Variants in TRAPPC9 observed in about 807,000 individuals in gnomAD.
TRAPPC9 encodes the protein IKK2 binding protein.
In TRAPPC9, 83 loss-of-function variants were observed where a neutral mutation model predicts 124.0. The ratio of observed to expected loss-of-function variants is 0.67; its 90% CI spans 0.56 to 0.80. TRAPPC9 has a LOEUF of 0.80. Ranked by LOEUF, TRAPPC9 falls within the 30% of genes least tolerant of loss-of-function variation. TRAPPC9 has a pLI of 0.00. For synonymous variants in TRAPPC9, 638 were observed against 617.5 expected (o/e 1.03, Z -0.49); for missense variants, 1,302 against 1,508.3 (o/e 0.86, Z 2.27).
intron 5 of TRAPPC9, among the ~76,000 whole-genome samples, chr8:140,421,388 G>C (rs898935518): frequency 6.6e-6 from 1 of 152,102 alleles, no homozygotes; most frequent in Admixed American, 6.6e-5. Context: ...GTCAAATCTA[G>C]TTAACGAATT....
intron 1 of TRAPPC9, among the ~76,000 whole-genome samples, chr8:140,457,305 G>A (rs941642063): frequency 6.6e-6 from 1 of 152,210 alleles, no homozygotes; most frequent in Non-Finnish European, 1.5e-5. Flanking sequence ...AGAGGGGAAG[G>A]GGACCCCCGC....
intron 21 of TRAPPC9, among the ~76,000 whole-genome samples, chr8:139,736,012 T>C (rs1409865575): frequency 1.3e-5 from 2 of 152,228 alleles, no homozygotes; most frequent in Admixed American, 1.3e-4. Flanking sequence ...TGCCTCTGAC[T>C]TCCCTTCACC....
intron 19 of TRAPPC9, among the ~76,000 whole-genome samples, chr8:139,918,827 C>A (rs560510294): frequency 6.6e-6 from 1 of 152,212 alleles, no homozygotes; most frequent in Non-Finnish European, 1.5e-5. Flanking sequence ...CCTCTCCAAA[C>A]GGCAGAAGGC....
intron 21 of TRAPPC9, among the ~76,000 whole-genome samples, chr8:139,794,084 C>G (rs1822885832): frequency 6.6e-6 from 1 of 151,712 alleles, no homozygotes; most frequent in African/African-American, 2.4e-5. Flanking sequence ...CTACTCCTGT[C>G]CCCCACCCTG....
chr8:139,894,027 C>T (rs944761359), intron 20 of TRAPPC9, among the ~76,000 whole-genome samples: 2 of 152,246 alleles, frequency 1.3e-5, no homozygotes, highest in African/African-American at 4.8e-5. Context: ...CACCAGCATC[C>T]CTGCCCACAG....
At chr8:139,927,307 C>A (rs1832875117) in intron 19 of TRAPPC9, among the ~76,000 whole-genome samples, 1 of 151,990 alleles carries the variant, frequency 6.6e-6, no homozygotes, top group Admixed American at 6.6e-5. Context: ...TGTGGTGGCA[C>A]AGCCATAGCT....
intron 17 of TRAPPC9, among the ~76,000 whole-genome samples, chr8:140,035,668 T>C (rs2131995722): frequency 6.6e-6 from 1 of 152,272 alleles, no homozygotes; most frequent in Middle Eastern, 3.4e-3. Context: ...CCGTAGCTAG[T>C]AAACCACAGA....
At position 140,450,979 on chromosome 8, in the gene TRAPPC9, A is replaced by T. The variant is rs200692599; in HGVS notation, c.395T>A (p.Val132Glu). ...GEIVEQPRTD[V>E]AFYPNYEDCQ... ...GTCCTCGTAGTTGGGGTAGAAAGCCACGTCGGTGCGCGGCTGCTCCACGAT... is the reference window on the plus strand; with the variant it reads ...GTCCTCGTAGTTGGGGTAGAAAGCCTCGTCGGTGCGCGGCTGCTCCACGAT... Residue 132 changes from valine to glutamate, a missense_variant, in exon 2 of 23, where the codon GTG (valine) becomes GAG (glutamate). Physicochemically the swap from Val to Glu is moderately radical, Grantham distance 121 (BLOSUM62 -2). Coordinates refer to ENST00000438773, the MANE Select transcript of TRAPPC9 (RefSeq NM_001160372.4). The T allele has an allele frequency of 6.8e-6, 11 of 1,614,170 alleles. No homozygotes were observed. The East Asian group carries it at 2.5e-4, about 36-fold the overall frequency.
intron 17 of TRAPPC9, among the ~76,000 whole-genome samples, chr8:140,136,655 C>T (rs771767155): frequency 3.9e-5 from 6 of 152,088 alleles, no homozygotes; most frequent in African/African-American, 7.2e-5. Flanking sequence ...CTGGCCAATA[C>T]GGTGAAACCT....
chr8:139,874,464 G>C (rs561531164), intron 21 of TRAPPC9, among the ~76,000 whole-genome samples: 14 of 152,348 alleles, frequency 9.2e-5, no homozygotes, highest in Admixed American at 7.2e-4. Context: ...CTGGGGGTGG[G>C]GAAACGCGCA....
chr8:139,873,239 G>A (rs376330254), intron 21 of TRAPPC9, among the ~76,000 whole-genome samples: 8 of 152,078 alleles, frequency 5.3e-5, no homozygotes, highest in African/African-American at 1.9e-4. Context: ...GGGAACGCTG[G>A]GTCAGTCCAT....
At chr8:139,957,996 G>A (rs542118121) in intron 19 of TRAPPC9, among the ~76,000 whole-genome samples, 110 of 152,346 alleles carry the variant, frequency 7.2e-4, no homozygotes, top group African/African-American at 2.5e-3. Context: ...AAGACCCTGA[G>A]TGTGACATGG....
At chr8:140,121,083 T>C (rs1297915172) in intron 17 of TRAPPC9, among the ~76,000 whole-genome samples, 2 of 152,374 alleles carry the variant, frequency 1.3e-5, no homozygotes, top group East Asian at 1.9e-4. Context: ...AGGCAAGATG[T>C]TGGGTTCTCT....
At chr8:140,126,829 G>A (rs1259438030) in intron 17 of TRAPPC9, among the ~76,000 whole-genome samples, 3 of 152,164 alleles carry the variant, frequency 2.0e-5, no homozygotes, top group East Asian at 1.9e-4. Flanking sequence ...GGCAGGGAGT[G>A]GACTCACGGG....
intron 21 of TRAPPC9, among the ~76,000 whole-genome samples, chr8:139,750,415 G>C (rs1033156486): frequency 6.6e-6 from 1 of 152,186 alleles, no homozygotes; most frequent in Non-Finnish European, 1.5e-5. Flanking sequence ...CAGCAGACAA[G>C]AGGCGCCCTC....
intron 9 of TRAPPC9, among the ~76,000 whole-genome samples, chr8:140,331,190 C>T (rs2066886258): frequency 1.3e-5 from 2 of 150,388 alleles, no homozygotes; most frequent in African/African-American, 4.9e-5. Flanking sequence ...AAATAATTTT[C>T]ATCAAAGTTG....
At chr8:140,262,951 G>T (rs79579438) in intron 15 of TRAPPC9, among the ~76,000 whole-genome samples, 1,884 of 152,340 alleles carry the variant, frequency 0.012, 26 homozygotes, top group African/African-American at 0.042. Flanking sequence ...ATGCACAGAG[G>T]ACATCTGGGA....
intron 20 of TRAPPC9, among the ~76,000 whole-genome samples, chr8:139,902,663 A>G (rs1193790946): frequency 6.6e-6 from 1 of 152,240 alleles, no homozygotes; most frequent in African/African-American, 2.4e-5. Flanking sequence ...AATCTTGTTT[A>G]AAGATATTTA....
At chr8:140,457,174 C>A (rs1020636273) in intron 1 of TRAPPC9, among the ~76,000 whole-genome samples, 15 of 152,208 alleles carry the variant, frequency 9.9e-5, no homozygotes, top group African/African-American at 3.4e-4. Flanking sequence ...GGGCCCCAGG[C>A]CCCAGCCGCG....
Sources: allele counts gnomAD v4.1 joint callset (sites outside exome capture counted in the v4.1 genomes callset), GRCh38; gene constraint gnomAD v4.1.1; transcripts MANE v1.5; gene names NCBI Gene and HGNC (gene_info 2026-07-23, HGNC 2026-07-21).